FIG4: variants seen among roughly 807,000 people sequenced by gnomAD.
FIG4 encodes the protein polyphosphoinositide phosphatase.
Under a neutral mutation model 118.6 loss-of-function variants are expected in FIG4, and 112 were observed. The observed-to-expected ratio is 0.94, with a 90% CI of 0.81 to 1.11. FIG4 has a LOEUF of 1.11. FIG4 is among the 50% of genes least tolerant of loss of function. FIG4 has a pLI of 0.00. For missense variants in FIG4, 969 were observed against 1,111.7 expected, an observed-to-expected ratio of 0.87 and a Z score of 1.83; for synonymous variants, 369 against 381.2, an observed-to-expected ratio of 0.97 and a Z score of 0.37.
At chr6:109,780,829 T>C (rs1010456848) in intron 16 of FIG4, among the ~76,000 whole-genome samples, 5 of 152,206 alleles carry the variant, frequency 3.3e-5, no homozygotes, top group African/African-American at 1.2e-4. Context: ...CCTCTTGAGA[T>C]AAGTACTTCG....
chr6:109,754,420 G>C (rs1477737156), intron 10 of FIG4, among the ~76,000 whole-genome samples: 5 of 152,116 alleles, frequency 3.3e-5, no homozygotes, highest in African/African-American at 1.2e-4. Flanking sequence ...TTGTGTCTCT[G>C]CCCAGCTTTG....
At chr6:109,768,988 G>A (rs1373354042) in intron 15 of FIG4, among the ~76,000 whole-genome samples, 1 of 152,006 alleles carries the variant, frequency 6.6e-6, no homozygotes, top group Non-Finnish European at 1.5e-5. Context: ...GTGCTAATAC[G>A]TACATATCCC....
chr6:109,774,112 A>AT (rs1337239282), intron 15 of FIG4, among the ~76,000 whole-genome samples: 1 of 152,046 alleles, frequency 6.6e-6, no homozygotes, highest in Non-Finnish European at 1.5e-5. Context: ...ATGCCTGGCC[A>AT]TTTTTTTCAA....
Position 109,691,357 on chromosome 6 carries a change from C to T in FIG4, c.-79C>T, listed in dbSNP as rs1774370993. ...CCTGGCTGGACTTGATGTCCAGGGC[C>T]TGAGGGGTTTTCTCGCCGAGTCTCC... On this transcript the variant is annotated 5_prime_UTR_variant, in exon 1 of 23. Coordinates refer to ENST00000230124, the MANE Select transcript of FIG4 (RefSeq NM_014845.6). 8.6e-7 allele frequency: 1 copy of T among 1,158,146 alleles called. No individual in the cohort carries two copies. 71.7% of individuals were successfully genotyped at this position (1,158,146 alleles called of 1,614,324 possible). A position where few individuals can be genotyped will look rare whatever the true frequency, so the allele number is the denominator to read the frequency against.
chr6:109,767,339 TCTA>T (rs1777310187), intron 15 of FIG4, among the ~76,000 whole-genome samples: 1 of 152,216 alleles, frequency 6.6e-6, no homozygotes, highest in South Asian at 2.1e-4. Flanking sequence ...CTCATTAAAT[TCTA>T]CTGTTTTATG....
chr6:109,778,185 G>C (rs1289562009), intron 16 of FIG4, among the ~76,000 whole-genome samples: 1 of 152,052 alleles, frequency 6.6e-6, no homozygotes, highest in Non-Finnish European at 1.5e-5. Flanking sequence ...ACCAGGCCGG[G>C]CGTGGTGGCT....
intron 16 of FIG4, among the ~76,000 whole-genome samples, chr6:109,778,295 T>C (rs1777679010): frequency 1.5e-5 from 2 of 135,106 alleles, no homozygotes; most frequent in Admixed American, 1.4e-4. Context: ...ACCCCATCTC[T>C]ACTAAAAAAA....
At chr6:109,708,108 C>A (rs1452764037) in intron 1 of FIG4, among the ~76,000 whole-genome samples, 1 of 151,706 alleles carries the variant, frequency 6.6e-6, no homozygotes, top group Non-Finnish European at 1.5e-5. Flanking sequence ...ATTAAGCCTA[C>A]TACCCACTAG....
At chr6:109,733,358 C>T (rs976603380) in intron 5 of FIG4, among the ~76,000 whole-genome samples, 5 of 152,060 alleles carry the variant, frequency 3.3e-5, no homozygotes, top group African/African-American at 7.2e-5. Context: ...CTACCATTGA[C>T]GTGACCAGTA....
chr6:109,738,336 A>G lies in FIG4; in HGVS notation c.658A>G (p.Ile220Val), dbSNP rs565096937. ...ITQGGSGVFGICSEPYMKYVW... is the reference protein window; with the variant it reads ...ITQGGSGVFGVCSEPYMKYVW... ...CTTTTATTTTTCAGGGGTATTTGGG[A>G]TCTGTAGTGAGCCTTATATGAAATA... The change falls in exon 7 of 23, where the codon ATC (isoleucine) becomes GTC (valine). Residue 220 changes from isoleucine (I) to valine (V), a missense_variant. By Grantham distance (29) the Ile-to-Val change is conservative (BLOSUM62 3). Coordinates refer to ENST00000230124, the MANE Select transcript of FIG4 (RefSeq NM_014845.6). 110 of 1,605,368 alleles carry G rather than the reference A, an allele frequency of 6.9e-5. No homozygotes were observed. The East Asian group carries it at 2.4e-3, about 35-fold the overall frequency.
chr6:109,708,092 C>G (rs1212306883), intron 1 of FIG4, among the ~76,000 whole-genome samples: 2 of 151,508 alleles, frequency 1.3e-5, no homozygotes, highest in African/African-American at 4.9e-5. Flanking sequence ...ATTTTGTCAC[C>G]CAGGTATTAA....
In FIG4 at chr6:109,738,378, C is replaced by A; in HGVS notation, c.700C>A (p.Leu234Ile). 1 of 1,610,526 alleles carries A rather than the reference C, an allele frequency of 6.2e-7. No individual in the cohort carries two copies. The highest frequency in any genetic ancestry group is 8.5e-7 in the Non-Finnish European group (1 of 1,177,190). ...TATGAAATATGTATGGAATGGTGAA[C>A]TTCTGGATATAATTAAAAGTACTGT... ...PYMKYVWNGELLDIIKSTVHR... is the reference protein window; with the variant it reads ...PYMKYVWNGEILDIIKSTVHR... Residue 234 changes from leucine to isoleucine, a missense_variant, in exon 7 of 23, where the codon CTT (leucine) becomes ATT (isoleucine). Leu to Ile is a conservative substitution (Grantham distance 5). Transcript: ENST00000230124.
chr6:109,716,368 T>G, intron 2 of FIG4, 77 bp from the exon 3 acceptor site: 1 of 1,521,796 alleles, frequency 6.6e-7, no homozygotes, highest in Non-Finnish European at 9.1e-7. Context: ...GTAGGTAACT[T>G]TTTAACTTTC....
intron 19 of FIG4, among the ~76,000 whole-genome samples, chr6:109,790,037 G>A (rs890091851): frequency 2.0e-5 from 3 of 152,142 alleles, no homozygotes; most frequent in African/African-American, 7.2e-5. Flanking sequence ...CCCTGTTACG[G>A]AACTTAATAG....
chr6:109,808,323 A>G (rs1267518454), intron 22 of FIG4, among the ~76,000 whole-genome samples: 3 of 120,374 alleles, frequency 2.5e-5, no homozygotes, highest in African/African-American at 3.2e-5. Flanking sequence ...GGTGATCATT[A>G]TTTTCTTCAC....
chr6:109,783,439 C>G (rs1202036404), intron 16 of FIG4, among the ~76,000 whole-genome samples: 1 of 152,212 alleles, frequency 6.6e-6, no homozygotes, highest in African/African-American at 2.4e-5. Context: ...GCGCCTCCTT[C>G]TGTCTTCTGG....
intron 10 of FIG4, among the ~76,000 whole-genome samples, chr6:109,752,743 T>A (rs1489989100): frequency 1.3e-5 from 2 of 152,238 alleles, no homozygotes; most frequent in African/African-American, 4.8e-5. Context: ...ATATTAGCCC[T>A]TAGTCAGATG....
At chr6:109,792,736 CTTTT>C (rs34998755) in intron 21 of FIG4, 72 bp downstream of exon 21, 4,619 of 423,484 alleles carry the variant, frequency 0.011, no homozygotes, top group East Asian at 0.016. Context: ...ACTACTATAC[CTTTT>C]TTTTTTTTTT....
chr6:109,724,817 G>GT lies in FIG4; in HGVS notation c.290-2291dup, dbSNP rs972191941. ...TTTATAATCCTTTGTGTGTGTGTGT[G>GT]TGTGTGTGTGTGTGTACATATATAT... On this transcript the variant is annotated intron_variant, in intron 3 of 22. Coordinates refer to ENST00000230124, the MANE Select transcript of FIG4 (RefSeq NM_014845.6). 3.5e-4 allele frequency among the ~76,000 whole-genome samples: 53 copies of GT among 151,016 alleles called. No homozygotes were observed. The East Asian group carries it at 8.0e-3, about 23-fold the overall frequency.
Sources: gnomAD v4.1 joint callset for allele counts (sites outside exome capture counted in the v4.1 genomes callset) on GRCh38, gnomAD v4.1.1 for gene constraint, MANE v1.5 for transcripts, NCBI Gene and HGNC (gene_info 2026-07-23, HGNC 2026-07-21) for gene names.